Variants in NCOA1 observed in about 807,000 individuals in gnomAD.
NCOA1 encodes the protein nuclear receptor coactivator 1.
A neutral mutation model predicts 150.9 loss-of-function variants in NCOA1; 35 were observed. The observed-to-expected ratio is 0.23, with a 90% confidence interval of 0.18 to 0.31. The LOEUF (loss-of-function observed/expected upper bound fraction) is 0.31. Ranked by LOEUF, NCOA1 falls within the 10% of genes least tolerant of loss-of-function variation. The pLI is 1.00. For synonymous variants in NCOA1, 590 were observed against 630.0 expected (o/e 0.94, Z 0.95); for missense variants, 1,491 against 1,749.3 (o/e 0.85, Z 2.63).
At chr2:24,629,865 A>G (rs1669623651) in intron 3 of NCOA1, among the ~76,000 whole-genome samples, 1 of 112,146 alleles carries the variant, frequency 8.9e-6, no homozygotes, top group South Asian at 2.5e-4. Flanking sequence ...TTTTTTTGAG[A>G]TGGAGTCTCG....
intron 16 of NCOA1, among the ~76,000 whole-genome samples, chr2:24,728,729 A>G (rs541669027): frequency 6.6e-6 from 1 of 152,336 alleles, no homozygotes; most frequent in South Asian, 2.1e-4. Context: ...ATCCAGATTT[A>G]TAGCATCACT....
chr2:24,554,979 C>T (rs765387266), intron 1 of NCOA1, among the ~76,000 whole-genome samples: 16 of 152,096 alleles, frequency 1.1e-4, no homozygotes, highest in East Asian at 1.9e-4. Flanking sequence ...GGTAAATACC[C>T]GGAGTTTGTC....
intron 1 of NCOA1, among the ~76,000 whole-genome samples, chr2:24,513,111 T>C (rs1664005751): frequency 6.6e-6 from 1 of 152,182 alleles, no homozygotes; most frequent in Admixed American, 6.5e-5. Flanking sequence ...ATATCCTGAA[T>C]TGATAGGAAA....
At chr2:24,605,135 C>T (rs1313498066) in intron 3 of NCOA1, among the ~76,000 whole-genome samples, 1 of 152,084 alleles carries the variant, frequency 6.6e-6, no homozygotes, top group East Asian at 1.9e-4. Context: ...TCAAAGATCA[C>T]TGATTACAGA....
chr2:24,496,428 A>G (rs960782567), intron 1 of NCOA1, among the ~76,000 whole-genome samples: 2 of 152,234 alleles, frequency 1.3e-5, no homozygotes, highest in Non-Finnish European at 2.9e-5. Flanking sequence ...TTGCTTTTAC[A>G]TGTTCCATTT....
At position 24,642,037 on chromosome 2, in the gene NCOA1, T is replaced by TGTGTGTGTGTGTGC. The variant is rs942145000; in HGVS notation, c.-174-1928_-174-1927insTGTGTGTGTGTGCG. Among the ~76,000 whole-genome samples the TGTGTGTGTGTGTGC allele has an allele frequency of 2.8e-3, 387 of 138,522 alleles. 1 individual carries two copies. Among genetic ancestry groups the TGTGTGTGTGTGTGC allele is most frequent in the African/African-American group, 6.0e-3 (235 of 39,128 alleles). 90.9% of individuals were successfully genotyped at this position (138,522 alleles called of 152,430 possible). On this transcript the variant is annotated intron_variant, in intron 3 of 22. Coordinates refer to ENST00000348332, the MANE Select transcript of NCOA1 (RefSeq NM_003743.5). ...GTGTGTGTGTGTGTGTGTGTGTGTG[T>TGTGTGTGTGTGTGC]GCGCGCGTGCGTATGTGTGTGTGTA...
At chr2:24,516,807 C>T (rs1456111940) in intron 1 of NCOA1, among the ~76,000 whole-genome samples, 2 of 132,046 alleles carry the variant, frequency 1.5e-5, no homozygotes, top group Admixed American at 1.7e-4. Context: ...ATGTACTTTC[C>T]TATTTCTATC....
chr2:24,642,325 ATATATATATATT>A (rs1345620114), intron 3 of NCOA1, among the ~76,000 whole-genome samples: 3 of 148,216 alleles, frequency 2.0e-5, no homozygotes, highest in African/African-American at 7.4e-5. Context: ...ATAAATATAT[ATATATATATATT>A]TTTTAAAATC....
intron 3 of NCOA1, among the ~76,000 whole-genome samples, chr2:24,627,612 A>G (rs1669491317): frequency 6.6e-6 from 1 of 152,222 alleles, no homozygotes; most frequent in African/African-American, 2.4e-5. Flanking sequence ...CCTTAGTAGA[A>G]TGCCATCTTC....
chr2:24,740,962 C>T (rs780312025), intron 18 of NCOA1, among the ~76,000 whole-genome samples: 3 of 152,130 alleles, frequency 2.0e-5, no homozygotes, highest in Non-Finnish European at 4.4e-5. Context: ...CACTTCTTTC[C>T]TCATCCATAA....
At chr2:24,758,849 G>A (rs1664631634) in intron 21 of NCOA1, among the ~76,000 whole-genome samples, 2 of 151,694 alleles carry the variant, frequency 1.3e-5, no homozygotes, top group African/African-American at 4.8e-5. Flanking sequence ...TTAGCTGTGC[G>A]TGGTGGCATG....
At chr2:24,747,444 C>T (rs1663991212) in intron 19 of NCOA1, among the ~76,000 whole-genome samples, 1 of 151,150 alleles carries the variant, frequency 6.6e-6, no homozygotes, top group Admixed American at 6.6e-5. Flanking sequence ...ATCCTCCCAC[C>T]TCAGCCTCCT....
chr2:24,515,611 T>C (rs1281450351), intron 1 of NCOA1, among the ~76,000 whole-genome samples: 2 of 152,202 alleles, frequency 1.3e-5, no homozygotes, highest in Non-Finnish European at 2.9e-5. Flanking sequence ...GTTATATTAC[T>C]TGGAGGAAGG....
chr2:24,632,558 C>T (rs1669753330), intron 3 of NCOA1, among the ~76,000 whole-genome samples: 1 of 152,196 alleles, frequency 6.6e-6, no homozygotes, highest in Non-Finnish European at 1.5e-5. Flanking sequence ...TGAGTACTGA[C>T]ATTTCCAATG....
At chr2:24,734,853 C>T (rs1663214951) in intron 17 of NCOA1, among the ~76,000 whole-genome samples, 1 of 151,986 alleles carries the variant, frequency 6.6e-6, no homozygotes, top group Non-Finnish European at 1.5e-5. Context: ...ATAAATAGTT[C>T]TACCATAATA....
chr2:24,579,229 C>G (rs1350546086), intron 2 of NCOA1, among the ~76,000 whole-genome samples: 3 of 152,098 alleles, frequency 2.0e-5, no homozygotes, highest in South Asian at 2.1e-4. Context: ...TATGGATTCT[C>G]TTGGGAGCCA....
intron 8 of NCOA1, among the ~76,000 whole-genome samples, chr2:24,691,057 C>T (rs1380306009): frequency 6.6e-6 from 1 of 152,122 alleles, no homozygotes; most frequent in Admixed American, 6.5e-5. Flanking sequence ...CAAAAGCCAA[C>T]CTTAAGAATC....
intron 1 of NCOA1, among the ~76,000 whole-genome samples, chr2:24,506,508 T>C (rs1481437900): frequency 6.6e-6 from 1 of 152,180 alleles, no homozygotes; most frequent in Admixed American, 6.5e-5. Flanking sequence ...GACTGTCCAT[T>C]GGTGCAGATT....
At chr2:24,532,342 C>A (rs996063924) in intron 1 of NCOA1, among the ~76,000 whole-genome samples, 1 of 151,620 alleles carries the variant, frequency 6.6e-6, no homozygotes, top group Non-Finnish European at 1.5e-5. Flanking sequence ...TTTGTAGATT[C>A]TGGATATTAG....
Sources: allele counts gnomAD v4.1 joint callset (sites outside exome capture counted in the v4.1 genomes callset), GRCh38; gene constraint gnomAD v4.1.1; transcripts MANE v1.5; gene names NCBI Gene and HGNC (gene_info 2026-07-23, HGNC 2026-07-21).